GRM3: variants seen among roughly 807,000 people sequenced by gnomAD.
The protein encoded by GRM3 is glutamate metabotropic receptor 3.
Under a neutral mutation model 70.5 loss-of-function variants are expected in GRM3, and 26 were observed. That is an observed-to-expected ratio of 0.37 (90% CI 0.27 to 0.51). The LOEUF (loss-of-function observed/expected upper bound fraction) is 0.51, where lower values mean the gene tolerates loss of function less well. GRM3 is among the 20% of genes least tolerant of loss of function. The probability of loss-of-function intolerance (pLI) is 0.93; values close to 1 mark genes in which losing one functional copy is unlikely to be tolerated. For synonymous variants in GRM3, 443 were observed against 434.9 expected (o/e 1.02, Z -0.23); for missense variants, 859 against 1,123.8 (o/e 0.76, Z 3.37).
At chr7:86,674,111 T>A (rs541163563) in intron 1 of GRM3, among the ~76,000 whole-genome samples, 6 of 152,286 alleles carry the variant, frequency 3.9e-5, no homozygotes, top group African/African-American at 1.4e-4. Context: ...TGGTTTCTAA[T>A]GATCAGGAAT....
At chr7:86,726,791 A>G (rs1795603385) in intron 1 of GRM3, among the ~76,000 whole-genome samples, 1 of 152,200 alleles carries the variant, frequency 6.6e-6, no homozygotes, top group Non-Finnish European at 1.5e-5. Flanking sequence ...TCTATTGCCA[A>G]TTAATACAGT....
rs112401313 is a variant in GRM3 at position 86,652,466 on chromosome 7, G to A, written c.-141+7594G>A. Among the ~76,000 whole-genome samples, 1,046 of 152,210 alleles carry A rather than the reference G, an allele frequency of 6.9e-3. 19 individuals are homozygous for A. The highest frequency in any genetic ancestry group is 0.024 in the African/African-American group (983 of 41,522). On this transcript the variant is annotated intron_variant, in intron 1 of 5. Coordinates refer to ENST00000361669, the MANE Select transcript of GRM3 (RefSeq NM_000840.3). Reference sequence around the variant, plus strand: ...CTGCCTCAGCCTCCCAAGTAGCTGGGATTACAGCCGCCCGCCACCACGCCC... The same window carrying A: ...CTGCCTCAGCCTCCCAAGTAGCTGGAATTACAGCCGCCCGCCACCACGCCC...
intron 2 of GRM3, among the ~76,000 whole-genome samples, chr7:86,777,259 C>T (rs1302884921): frequency 6.6e-6 from 1 of 152,102 alleles, no homozygotes; most frequent in Admixed American, 6.6e-5. Flanking sequence ...TTTAAGAAGT[C>T]CTTCAGTTTC....
chr7:86,759,981 T>C (rs1444596218), intron 1 of GRM3, among the ~76,000 whole-genome samples: 1 of 152,162 alleles, frequency 6.6e-6, no homozygotes, highest in Non-Finnish European at 1.5e-5. Flanking sequence ...TTGCCCATAA[T>C]ACTGACAGCT....
chr7:86,729,039 C>T (rs888176822), intron 1 of GRM3, among the ~76,000 whole-genome samples: 7 of 152,184 alleles, frequency 4.6e-5, no homozygotes, highest in South Asian at 2.1e-4. Flanking sequence ...TGTCTGCTTT[C>T]GTTCCACCTT....
chr7:86,844,016 C>T (rs1431993989), intron 4 of GRM3, among the ~76,000 whole-genome samples: 1 of 152,124 alleles, frequency 6.6e-6, no homozygotes, highest in Non-Finnish European at 1.5e-5. Context: ...GGAGATGCTA[C>T]TAGACTAAGG....
In GRM3 at chr7:86,799,961, G is replaced by A. The variant is rs78335230; in HGVS notation, c.1324+12845G>A. On this transcript the variant is annotated intron_variant, in intron 3 of 5. Coordinates refer to ENST00000361669, the MANE Select transcript of GRM3 (RefSeq NM_000840.3). ...TACTGATTTGTATATGTTGAACCAG[G>A]CTTGCATGCCAGAAGATTAAGAAAC... 7.1e-3 allele frequency among the ~76,000 whole-genome samples: 1,076 copies of A among 152,218 alleles called. 16 individuals carry two copies. The highest frequency in any genetic ancestry group is 0.024 in the African/African-American group (1,012 of 41,530).
At chr7:86,662,774 C>A (rs1447559643) in intron 1 of GRM3, among the ~76,000 whole-genome samples, 2 of 151,784 alleles carry the variant, frequency 1.3e-5, no homozygotes, top group East Asian at 3.9e-4. Context: ...GTAATTTGTC[C>A]AAACATGTTT....
intron 1 of GRM3, among the ~76,000 whole-genome samples, chr7:86,749,252 G>A (rs1046495832): frequency 1.3e-5 from 2 of 151,948 alleles, no homozygotes; most frequent in African/African-American, 4.8e-5. Flanking sequence ...CATCCTTTGG[G>A]TGACATCTTG....
chr7:86,770,482 C>T (rs557870471), intron 2 of GRM3, among the ~76,000 whole-genome samples: 1 of 152,056 alleles, frequency 6.6e-6, no homozygotes, highest in Non-Finnish European at 1.5e-5. Context: ...TCACATTGTA[C>T]CCCTGAGAAG....
rs1584133777 is a variant in GRM3, at chr7:86,644,749, A to G, written c.-264A>G. ...CCTTGGATTTGGAAAGGACAAAGCC[A>G]GTAAGCTACCTCTTTTGTGTCGGAT... On this transcript the variant is annotated 5_prime_UTR_variant, in exon 1 of 6. Transcript: ENST00000361669. 2 of 1,255,716 alleles carry G rather than the reference A, an allele frequency of 1.6e-6. No homozygotes were observed. Among genetic ancestry groups the G allele is most frequent in the South Asian group, 1.2e-5 (1 of 80,344 alleles). 77.8% of individuals were successfully genotyped at this position (1,255,716 alleles called of 1,614,324 possible). A position where few individuals can be genotyped will look rare whatever the true frequency, so the allele number is the denominator to read the frequency against.
At chr7:86,686,171 A>G (rs558149447) in intron 1 of GRM3, among the ~76,000 whole-genome samples, 1 of 152,318 alleles carries the variant, frequency 6.6e-6, no homozygotes, top group African/African-American at 2.4e-5. Context: ...ATAAGCAGCA[A>G]ATTAAGCGGC....
chr7:86,790,437 G>A (rs527536832), intron 3 of GRM3, among the ~76,000 whole-genome samples: 3 of 152,230 alleles, frequency 2.0e-5, no homozygotes, highest in Admixed American at 2.0e-4. Context: ...TAGCCTCCTA[G>A]TTGATTTATT....
intron 3 of GRM3, among the ~76,000 whole-genome samples, chr7:86,813,324 A>T (rs1797950532): frequency 6.6e-6 from 1 of 151,700 alleles, no homozygotes; most frequent in South Asian, 2.1e-4. Context: ...GGGTCTTTAG[A>T]AATGAAGCAT....
intron 1 of GRM3, among the ~76,000 whole-genome samples, chr7:86,655,139 A>G (rs1209975559): frequency 6.6e-6 from 1 of 152,176 alleles, no homozygotes; most frequent in Non-Finnish European, 1.5e-5. Flanking sequence ...CAACATGAAT[A>G]TCTAGTCTAC....
At chr7:86,787,161 A>G (rs1562863986) in intron 3 of GRM3, 45 bp downstream of exon 3, 1 of 1,498,764 alleles carries the variant, frequency 6.7e-7, no homozygotes. Flanking sequence ...CAAACAAGTG[A>G]AATAAAATAG....
At chr7:86,820,063 C>G (rs955179883) in intron 3 of GRM3, among the ~76,000 whole-genome samples, 2 of 152,092 alleles carry the variant, frequency 1.3e-5, no homozygotes, top group African/African-American at 4.8e-5. Context: ...ACAAATTGAA[C>G]CCATACTTGA....
At chr7:86,718,660 T>C (rs181179812) in intron 1 of GRM3, among the ~76,000 whole-genome samples, 1 of 151,894 alleles carries the variant, frequency 6.6e-6, no homozygotes, top group African/African-American at 2.4e-5. Flanking sequence ...GTGGGAGAGA[T>C]GGTGTAGAGA....
chr7:86,787,190 C>G, intron 3 of GRM3, 74 bp downstream of exon 3: 1 of 1,176,958 alleles, frequency 8.5e-7, no homozygotes, highest in Non-Finnish European at 1.2e-6. Context: ...TGCCTCTGTG[C>G]CCAATTCAGA....
Sources: gnomAD v4.1 joint callset for allele counts (sites outside exome capture counted in the v4.1 genomes callset) on GRCh38, gnomAD v4.1.1 for gene constraint, MANE v1.5 for transcripts, NCBI Gene and HGNC (gene_info 2026-07-23, HGNC 2026-07-21) for gene names.